Variants in LARGE1 observed in about 807,000 individuals in gnomAD.
The protein encoded by LARGE1 is xylosyl- and glucuronyltransferase LARGE1.
LARGE1 carries 43 observed loss-of-function variants against 87.6 expected under a neutral mutation model. The ratio of observed to expected loss-of-function variants is 0.49; its 90% CI spans 0.38 to 0.63. The LOEUF (loss-of-function observed/expected upper bound fraction) is 0.63, where lower values mean the gene tolerates loss of function less well. Ranked by LOEUF, LARGE1 falls within the 30% of genes least tolerant of loss-of-function variation. The probability of loss-of-function intolerance (pLI) is 0.00; values close to 1 mark genes in which losing one functional copy is unlikely to be tolerated. For missense variants in LARGE1, 802 were observed against 1,000.2 expected (o/e 0.80, Z 2.67); for synonymous variants, 434 against 394.6 (o/e 1.10, Z -1.18).
intron 5 of LARGE1, among the ~76,000 whole-genome samples, chr22:33,566,700 A>T (rs1478333036): frequency 6.6e-6 from 1 of 152,162 alleles, no homozygotes; most frequent in Non-Finnish European, 1.5e-5. Flanking sequence ...CCCTGCCCAC[A>T]TCCTGCTGAT....
intron 9 of LARGE1, among the ~76,000 whole-genome samples, chr22:33,361,003 T>C (rs2064369424): frequency 6.7e-6 from 1 of 148,712 alleles, no homozygotes; most frequent in Non-Finnish European, 1.5e-5. Context: ...GATCACGAGG[T>C]CGGGAGTTCA....
chr22:33,223,553 A>G (rs935037481), intron 11 of LARGE1, among the ~76,000 whole-genome samples: 15 of 152,176 alleles, frequency 9.9e-5, no homozygotes, highest in African/African-American at 2.4e-4. Context: ...GTGGTGCCCA[A>G]TCTGTCCTGT....
At chr22:33,628,516 A>T (rs2080002526) in intron 3 of LARGE1, among the ~76,000 whole-genome samples, 1 of 151,948 alleles carries the variant, frequency 6.6e-6, no homozygotes, top group Admixed American at 6.6e-5. Context: ...GGTTTTTACC[A>T]TGTTGGTCAG....
rs1928412563 is a variant in LARGE1 at position 33,272,805 on chromosome 22, CA to C, written c.*1621del. The C allele has an allele frequency of 6.6e-6, 1 of 152,138 alleles. No individual in the cohort carries two copies. The highest frequency in any genetic ancestry group is 6.6e-5 in the Admixed American group (1 of 15,264). The allele number at this position is 152,138 out of a possible 1,614,324, so 9.4% of individuals were successfully genotyped here. ...GGATGTTCCCTTTACAATTGATTACCAGGATTTACCCTCCTAGCCCACATCT... is the reference window on the plus strand; with the variant it reads ...GGATGTTCCCTTTACAATTGATTACCGGATTTACCCTCCTAGCCCACATCT... On this transcript the variant is annotated 3_prime_UTR_variant, in exon 15 of 15. Coordinates refer to ENST00000397394, the MANE Select transcript of LARGE1 (RefSeq NM_133642.5).
chr22:33,494,045 G>A (rs2069984840), intron 6 of LARGE1, among the ~76,000 whole-genome samples: 1 of 152,250 alleles, frequency 6.6e-6, no homozygotes, highest in African/African-American at 2.4e-5. Flanking sequence ...GGCTAACACA[G>A]GTCCAAGGAC....
At chr22:33,563,773 A>G (rs564365372) in intron 6 of LARGE1, among the ~76,000 whole-genome samples, 13 of 152,346 alleles carry the variant, frequency 8.5e-5, no homozygotes, top group African/African-American at 2.9e-4. Context: ...ATTGACACGA[A>G]TAAGAAAAGT....
intron 1 of LARGE1, among the ~76,000 whole-genome samples, chr22:33,792,542 G>A (rs1367869003): frequency 6.6e-6 from 1 of 152,134 alleles, no homozygotes; most frequent in Non-Finnish European, 1.5e-5. Context: ...AGGAGGGCAA[G>A]GTCTAACCAG....
chr22:33,528,255 C>G (rs1017711704), intron 6 of LARGE1, among the ~76,000 whole-genome samples: 1 of 152,028 alleles, frequency 6.6e-6, no homozygotes, highest in African/African-American at 2.4e-5. Flanking sequence ...CATAAAGGGT[C>G]GCAGCCTGCA....
intron 9 of LARGE1, among the ~76,000 whole-genome samples, chr22:33,342,156 T>G (rs561708293): frequency 1.6e-4 from 24 of 152,298 alleles, no homozygotes; most frequent in Non-Finnish European, 3.1e-4. Flanking sequence ...TAATTGCATG[T>G]GGGCTGGTGT....
intron 11 of LARGE1, among the ~76,000 whole-genome samples, chr22:33,244,662 T>A (rs943427958): frequency 6.6e-6 from 1 of 152,256 alleles, no homozygotes; most frequent in African/African-American, 2.4e-5. Context: ...AGAAATCAAC[T>A]ATGCCATCTG....
At chr22:33,805,450 C>G (rs945045692) in intron 1 of LARGE1, among the ~76,000 whole-genome samples, 1 of 152,110 alleles carries the variant, frequency 6.6e-6, no homozygotes, top group African/African-American at 2.4e-5. Context: ...AGACTCAACC[C>G]TGGTCGGGCA....
At chr22:33,169,909 C>T (rs1471303415) in intron 11 of LARGE1, among the ~76,000 whole-genome samples, 1 of 151,994 alleles carries the variant, frequency 6.6e-6, no homozygotes, top group African/African-American at 2.4e-5. Context: ...CAGGGAAATC[C>T]TTTTAACCTT....
chr22:33,624,393 T>G (rs2079855096), intron 4 of LARGE1, among the ~76,000 whole-genome samples: 1 of 152,160 alleles, frequency 6.6e-6, no homozygotes, highest in Non-Finnish European at 1.5e-5. Flanking sequence ...CAGGGGGTAT[T>G]GTGGGCTGGT....
At chr22:33,261,417 C>T (rs1435456637) in intron 11 of LARGE1, among the ~76,000 whole-genome samples, 2 of 152,126 alleles carry the variant, frequency 1.3e-5, no homozygotes, top group African/African-American at 4.8e-5. Flanking sequence ...TATGCTCACT[C>T]CTTAGACGAT....
At chr22:33,244,666 C>T (rs76836275) in intron 11 of LARGE1, among the ~76,000 whole-genome samples, 3,231 of 152,252 alleles carry the variant, frequency 0.021, 115 homozygotes, top group African/African-American at 0.072. Context: ...ATCAACTATG[C>T]CATCTGTCAT....
At chr22:33,617,120 C>T (rs1053136962) in intron 4 of LARGE1, among the ~76,000 whole-genome samples, 2 of 152,138 alleles carry the variant, frequency 1.3e-5, no homozygotes, top group African/African-American at 4.8e-5. Context: ...TGGGAAACCC[C>T]GCAATTGTCC....
At chr22:33,663,040 G>A (rs746692552) in intron 2 of LARGE1, among the ~76,000 whole-genome samples, 3 of 149,304 alleles carry the variant, frequency 2.0e-5, no homozygotes, top group Non-Finnish European at 4.4e-5. Context: ...GAAATAAGAG[G>A]AGGAAAATGA....
Position 33,360,376 on chromosome 22 carries a change from G to T in LARGE1, c.1131+21543C>A, listed in dbSNP as rs191238892. 6.7e-3 allele frequency among the ~76,000 whole-genome samples: 1,004 copies of T among 149,554 alleles called. 69 individuals carry two copies. The highest frequency in any genetic ancestry group is 7.8e-3 in the Non-Finnish European group (525 of 67,048). On this transcript the variant is annotated intron_variant, in intron 9 of 14. Transcript: ENST00000397394. ...TATAAAGAGGTCTAATTGGCTCATGGTTCTGCAGGCTGTACAGGAAGCATA... is the reference window on the plus strand; with the variant it reads ...TATAAAGAGGTCTAATTGGCTCATGTTTCTGCAGGCTGTACAGGAAGCATA...
At chr22:33,370,963 A>T (rs1601612832) in intron 9 of LARGE1, among the ~76,000 whole-genome samples, 1 of 150,158 alleles carries the variant, frequency 6.7e-6, no homozygotes, top group African/African-American at 2.4e-5. Flanking sequence ...CATTTTATAT[A>T]TGTTATGTCT....
Sources: gnomAD v4.1 joint callset for allele counts (sites outside exome capture counted in the v4.1 genomes callset) on GRCh38, gnomAD v4.1.1 for gene constraint, MANE v1.5 for transcripts, NCBI Gene and HGNC (gene_info 2026-07-23, HGNC 2026-07-21) for gene names.